Variants in RMDN2 observed in about 807,000 individuals in gnomAD.
The protein encoded by RMDN2 is regulator of microtubule dynamics protein 2.
A neutral mutation model predicts 52.8 loss-of-function variants in RMDN2; 61 were observed. The ratio of observed to expected loss-of-function variants is 1.16; its 90% CI spans 0.94 to 1.43. The LOEUF (loss-of-function observed/expected upper bound fraction) is 1.43. Among genes scored for constraint, RMDN2 ranks in the 40% most tolerant of loss-of-function variants. The probability of loss-of-function intolerance (pLI) is 0.00; values close to 1 mark genes in which losing one functional copy is unlikely to be tolerated. For synonymous variants in RMDN2, 180 were observed against 153.1 expected, an observed-to-expected ratio of 1.18 and a Z score of -1.30; for missense variants, 592 against 475.3, an observed-to-expected ratio of 1.25 and a Z score of -2.28.
chr2:37,961,360 C>T (rs1052814709), intron 2 of RMDN2, among the ~76,000 whole-genome samples: 3 of 152,012 alleles, frequency 2.0e-5, no homozygotes, highest in Non-Finnish European at 4.4e-5. Context: ...CACATAGTCC[C>T]ATATTTCTTG....
At chr2:38,043,190 C>G (rs1049280234) in intron 10 of RMDN2, among the ~76,000 whole-genome samples, 3 of 152,148 alleles carry the variant, frequency 2.0e-5, no homozygotes, top group Non-Finnish European at 4.4e-5. Context: ...TGTGTGTACA[C>G]ATTGAGGATT....
chr2:38,015,338 G>A (rs1257088658), intron 10 of RMDN2, among the ~76,000 whole-genome samples: 2 of 152,146 alleles, frequency 1.3e-5, no homozygotes, highest in East Asian at 3.9e-4. Flanking sequence ...AGGCAGAGGC[G>A]TGCAGATCAT....
intron 8 of RMDN2, among the ~76,000 whole-genome samples, chr2:38,001,811 A>G (rs1676360438): frequency 6.6e-6 from 1 of 152,250 alleles, no homozygotes. Context: ...AGAGAGAAAC[A>G]GGAGAACCAG....
At chr2:37,933,899 A>C (rs917081784) in intron 2 of RMDN2, among the ~76,000 whole-genome samples, 1 of 152,176 alleles carries the variant, frequency 6.6e-6, no homozygotes, top group African/African-American at 2.4e-5. Context: ...TTTCAGAAAC[A>C]AGGTTTTTGT....
chr2:38,017,027 C>T (rs1678891564), intron 10 of RMDN2, among the ~76,000 whole-genome samples, 159 bp from the exon 11 acceptor site: 1 of 151,962 alleles, frequency 6.6e-6, no homozygotes. Flanking sequence ...TGTCAATGTC[C>T]TGAATTAGGG....
At chr2:37,922,008 G>A (rs866438622), upstream of RMDN2, among the ~76,000 whole-genome samples, 10 of 152,280 alleles carry the variant, frequency 6.6e-5, no homozygotes, top group Middle Eastern at 0.01. Flanking sequence ...ACACCTGGGG[G>A]ACTTCTTCCT....
At position 37,989,533 on chromosome 2, in the gene RMDN2, C is replaced by CT; in HGVS notation, c.792-4dup. ...GCCACTGTTTTTGTCTGTTTTTGTCCTTTTCAGGTATGCAGTTTTGTGTGG... is the reference window on the plus strand; with the variant it reads ...GCCACTGTTTTTGTCTGTTTTTGTCCTTTTTCAGGTATGCAGTTTTGTGTGG... On this transcript the variant is annotated splice_region_variant and splice_polypyrimidine_tract_variant and intron_variant, in intron 5 of 10. Transcript: ENST00000354545. 6.2e-7 allele frequency: 1 copy of CT among 1,604,468 alleles called. No individual in the cohort carries two copies. The highest frequency in any genetic ancestry group is 8.5e-7 in the Non-Finnish European group (1 of 1,175,070).
At chr2:37,986,193 C>T (rs1673991365) in intron 5 of RMDN2, among the ~76,000 whole-genome samples, 1 of 152,096 alleles carries the variant, frequency 6.6e-6, no homozygotes, top group Non-Finnish European at 1.5e-5. Flanking sequence ...AATTGTTCCC[C>T]AAACTGGAAC....
intron 2 of RMDN2, among the ~76,000 whole-genome samples, chr2:37,960,099 T>G (rs190779306): frequency 1.8e-3 from 268 of 152,334 alleles, no homozygotes; most frequent in African/African-American, 5.8e-3. Flanking sequence ...TATGTGGTGC[T>G]GAGAAGAATG....
At chr2:37,951,420 AGTC>A in intron 2 of RMDN2, 1 of 1,613,020 alleles carries the variant, frequency 6.2e-7, no homozygotes, top group South Asian at 1.1e-5. Flanking sequence ...ATCTGTATCA[AGTC>A]CATCTTTCTC....
chr2:37,977,922 G>A (rs1271731052), intron 4 of RMDN2, among the ~76,000 whole-genome samples: 4 of 152,160 alleles, frequency 2.6e-5, no homozygotes, highest in Admixed American at 1.3e-4. Flanking sequence ...ATGGGGTGGC[G>A]GCCGGGCAGA....
At chr2:38,041,802 T>C (rs949560947) in intron 10 of RMDN2, among the ~76,000 whole-genome samples, 28 of 152,350 alleles carry the variant, frequency 1.8e-4, no homozygotes, top group African/African-American at 6.7e-4. Context: ...TAAACCCCAC[T>C]TGGGCACAGA....
chr2:37,967,250 ATTAAAG>A (rs1009610275), intron 2 of RMDN2, among the ~76,000 whole-genome samples: 13 of 152,372 alleles, frequency 8.5e-5, no homozygotes, highest in African/African-American at 1.9e-4. Context: ...TGACTAAAAA[ATTAAAG>A]TTAAACAAAC....
At chr2:37,933,684 A>T (rs908377277) in intron 2 of RMDN2, among the ~76,000 whole-genome samples, 2 of 152,248 alleles carry the variant, frequency 1.3e-5, no homozygotes, top group African/African-American at 4.8e-5. Context: ...AGGCAGGAGA[A>T]TCAGGCAGGG....
intron 2 of RMDN2, among the ~76,000 whole-genome samples, chr2:37,935,230 CT>C (rs905882472): frequency 1.3e-4 from 20 of 152,316 alleles, no homozygotes; most frequent in African/African-American, 4.8e-4. Flanking sequence ...GATAATATTA[CT>C]TCGTAGATAA....
downstream of RMDN2, among the ~76,000 whole-genome samples, chr2:38,022,497 T>A (rs1475168996): frequency 6.6e-6 from 1 of 152,222 alleles, no homozygotes; most frequent in Non-Finnish European, 1.5e-5. Flanking sequence ...CCCAAACTGC[T>A]AACTTCTCAA....
In RMDN2 at chr2:37,962,457, C is replaced by A. The variant is rs572127497; in HGVS notation, c.453-11583C>A. ...TTTGCTGCACTGCAGTGGGCTCCAC[C>A]CAGTCCGAACTTCTGGTGGCTTTGT... On this transcript the variant is annotated intron_variant, in intron 2 of 10. Transcript: ENST00000354545. Among the ~76,000 whole-genome samples, 137 of 152,306 alleles carry A rather than the reference C, an allele frequency of 9.0e-4. 1 individual carries two copies. The highest frequency in any genetic ancestry group is 1.6e-3 in the Non-Finnish European group (111 of 68,038).
At chr2:37,934,582 G>A (rs1246221014) in intron 2 of RMDN2, among the ~76,000 whole-genome samples, 1 of 151,844 alleles carries the variant, frequency 6.6e-6, no homozygotes, top group Non-Finnish European at 1.5e-5. Flanking sequence ...TCACTCCGAG[G>A]CAGAATCAGC....
chr2:37,976,675 AC>A (rs769184290), intron 4 of RMDN2, among the ~76,000 whole-genome samples: 5 of 152,160 alleles, frequency 3.3e-5, no homozygotes, highest in Non-Finnish European at 7.3e-5. Flanking sequence ...CAGTTTGCAG[AC>A]CATATACAAA....
Sources: gnomAD v4.1 joint callset for allele counts (sites outside exome capture counted in the v4.1 genomes callset) on GRCh38, gnomAD v4.1.1 for gene constraint, MANE v1.5 for transcripts, NCBI Gene and HGNC (gene_info 2026-07-23, HGNC 2026-07-21) for gene names.